Variants in ADAMTS15 observed in about 807,000 individuals in gnomAD.
ADAMTS15 encodes A disintegrin and metalloproteinase with thrombospondin motifs 15.
In ADAMTS15, 35 loss-of-function variants were observed where a neutral mutation model predicts 79.1. The ratio of observed to expected loss-of-function variants is 0.44; its 90% CI spans 0.34 to 0.59. The LOEUF (loss-of-function observed/expected upper bound fraction) is 0.59. ADAMTS15 is among the 20% of genes least tolerant of loss of function. The pLI, the probability that ADAMTS15 is intolerant of heterozygous loss-of-function variation, is 0.02. For missense variants in ADAMTS15, 1,324 were observed against 1,318.7 expected (o/e 1.00, Z -0.06); for synonymous variants, 616 against 567.3 (o/e 1.09, Z -1.22).
chr11:130,469,971 A>G (rs1938387742), intron 5 of ADAMTS15, among the ~76,000 whole-genome samples: 1 of 151,212 alleles, frequency 6.6e-6, no homozygotes, highest in Admixed American at 6.6e-5. Flanking sequence ...ACAAAACTAC[A>G]ATAGTAGTAG....
At position 130,462,435 on chromosome 11, in the gene ADAMTS15, T is replaced by C. The variant is rs1338442628; in HGVS notation, c.1259-62T>C. ...TTCATTATCCCCTTACCATTCAGAT[T>C]CTGGGCTAGCCAAACCTCATCTTCC... On this transcript the variant is annotated intron_variant, in intron 3 of 7. Coordinates refer to ENST00000299164, the MANE Select transcript of ADAMTS15 (RefSeq NM_139055.4). This position sits in a 1 kb window ranked among gnomAD's most constrained non-coding sequence, Gnocchi z 4.3. 6.5e-7 allele frequency: 1 copy of C among 1,537,176 alleles called. No homozygotes were observed. Among genetic ancestry groups the C allele is most frequent in the Non-Finnish European group, 8.8e-7 (1 of 1,138,728 alleles).
chr11:130,469,286 G>T lies in ADAMTS15; in HGVS notation c.1567G>T (p.Asp523Tyr), dbSNP rs755039796. 2 of 1,401,622 alleles carry T rather than the reference G, an allele frequency of 1.4e-6. No homozygotes were observed. Among genetic ancestry groups the T allele is most frequent in the East Asian group, 5.5e-5 (2 of 36,332 alleles). The allele number at this position is 1,401,622 out of a possible 1,614,324, so 86.8% of individuals were successfully genotyped here. ...HRVDGSWAKW[D>Y]PYGPCSRTCG... ...GGTGGATGGTTCCTGGGCCAAATGG[G>T]ATCCCTATGGCCCCTGCTCGCGCAC... is the stretch of plus-strand genomic sequence containing the variant. Residue 523 changes from aspartate to tyrosine, a missense_variant, in exon 5 of 8, where the codon GAT becomes TAT. Physicochemically the swap from Asp to Tyr is radical, Grantham distance 160. Transcript: ENST00000299164.
chr11:130,449,936 T>G lies in ADAMTS15; in HGVS notation c.957+6T>G. The G allele has an allele frequency of 6.3e-7, 1 of 1,596,900 alleles. No individual in the cohort carries two copies. Among genetic ancestry groups the G allele is most frequent in the Non-Finnish European group, 8.5e-7 (1 of 1,177,834 alleles). On this transcript the variant is annotated splice_donor_region_variant and intron_variant, in intron 1 of 7. Coordinates refer to ENST00000299164, the MANE Select transcript of ADAMTS15 (RefSeq NM_139055.4). This position sits in a 1 kb window ranked among gnomAD's most constrained non-coding sequence, Gnocchi z 7.8. The stretch of plus-strand genomic sequence containing the variant: ...CCATCCTCTTCACCAGGCAGGTGAG[T>G]TGATCTGCCGTCACTTTGCACCCAG...
chr11:130,469,528 GCCTCC>G, intron 5 of ADAMTS15, 89 bp downstream of exon 5: 2 of 1,057,716 alleles, frequency 1.9e-6, no homozygotes, highest in Non-Finnish European at 2.5e-6. Context: ...GTAATGCATG[GCCTCC>G]AGGTAATTGG....
chr11:130,470,144 A>ACATACATG (rs1938397112), intron 5 of ADAMTS15, among the ~76,000 whole-genome samples: 1 of 64,832 alleles, frequency 1.5e-5, no homozygotes, highest in Non-Finnish European at 2.9e-5. Context: ...ATATATATAT[A>ACATACATG]TATATATGTG....
At chr11:130,454,384 C>T (rs1291582883) in intron 1 of ADAMTS15, among the ~76,000 whole-genome samples, 3 of 152,202 alleles carry the variant, frequency 2.0e-5, no homozygotes, top group African/African-American at 7.2e-5. Flanking sequence ...CTGCGCAGAG[C>T]GGAACAGCAT....
chr11:130,460,851 A>G (rs1420499541), intron 1 of ADAMTS15, among the ~76,000 whole-genome samples: 3 of 152,032 alleles, frequency 2.0e-5, no homozygotes, highest in Admixed American at 6.6e-5. Context: ...TCTCTATTTC[A>G]TGTATCTTTC....
In ADAMTS15 at chr11:130,470,166, A is replaced by ATATATG. The variant is rs1565397707; in HGVS notation, c.1720+732_1720+733insGTATAT. Among the ~76,000 whole-genome samples, 100 of 57,566 alleles carry ATATATG rather than the reference A, an allele frequency of 1.7e-3. 3 individuals carry two copies. The highest frequency in any genetic ancestry group is 2.5e-3 in the Non-Finnish European group (77 of 30,512). The allele number at this position is 57,566 out of a possible 152,430, so 37.8% of individuals were successfully genotyped here. A position where few individuals can be genotyped will look rare whatever the true frequency, so the allele number is the denominator to read the frequency against. On this transcript the variant is annotated intron_variant, in intron 5 of 7. Transcript: ENST00000299164. ...TATATATATATGTGTATATATATATATATATATATATATATGTGTGTATAT... is the reference window on the plus strand; with the variant it reads ...TATATATATATGTGTATATATATATATATATGTATATATATATATATGTGTGTATAT...
rs1214408352 is a variant in ADAMTS15 at position 130,461,540 on chromosome 11, A to G, written c.1009A>G (p.Thr337Ala). 2 of 1,613,976 alleles carry G rather than the reference A, an allele frequency of 1.2e-6. No individual in the cohort carries two copies. Among genetic ancestry groups the G allele is most frequent in the Non-Finnish European group, 1.7e-6 (2 of 1,180,034 alleles). Residue 337 changes from threonine (T) to alanine (A), a missense_variant, in exon 2 of 8, where the codon ACC (threonine) becomes GCC (alanine). Coordinates refer to ENST00000299164, the MANE Select transcript of ADAMTS15 (RefSeq NM_139055.4). The part of the protein sequence containing the change: ...CDTLGMADVG[T>A]MCDPKRSCSV... The stretch of plus-strand genomic sequence containing the variant: ...CACCCTGGGCATGGCTGATGTGGGT[A>G]CCATGTGTGACCCCAAGAGAAGCTG...
chr11:130,470,775 T>C (rs75153760), intron 5 of ADAMTS15, 145 bp from the exon 6 acceptor site: 114,325 of 898,906 alleles, frequency 0.13, 8,461 homozygotes, highest in South Asian at 0.25. Flanking sequence ...CCTGCTTTAG[T>C]GCTTTCAGAT....
chr11:130,454,337 C>A (rs1363313401), intron 1 of ADAMTS15, among the ~76,000 whole-genome samples: 1 of 152,184 alleles, frequency 6.6e-6, no homozygotes, highest in Non-Finnish European at 1.5e-5. Flanking sequence ...TTGTTTTGAC[C>A]TTGAGCAGTA....
chr11:130,460,625 C>T (rs1417736841), intron 1 of ADAMTS15, among the ~76,000 whole-genome samples: 12 of 152,202 alleles, frequency 7.9e-5, no homozygotes, highest in African/African-American at 2.9e-4. Context: ...ATGTCTTATC[C>T]TATTTCCAAC....
intron 4 of ADAMTS15, among the ~76,000 whole-genome samples, chr11:130,467,796 A>G (rs954122994): frequency 6.7e-6 from 1 of 149,940 alleles, no homozygotes; most frequent in Non-Finnish European, 1.5e-5. Context: ...AAAAAAAAAA[A>G]GTCCTCCAAA....
Position 130,471,217 on chromosome 11 carries a change from G to T in ADAMTS15, c.1912G>T (p.Gly638Cys). Reference protein sequence around the residue: ...FYVLAPKVVDGTLCSPDSTSV... With the variant: ...FYVLAPKVVDCTLCSPDSTSV... Reference sequence around the variant, plus strand: ...TTCTGGGGTGCTGCAGGTGGTGGACGGCACGCTGTGCTCTCCTGACTCCAC... The same window carrying T: ...TTCTGGGGTGCTGCAGGTGGTGGACTGCACGCTGTGCTCTCCTGACTCCAC... Residue 638 changes from glycine (G) to cysteine (C), a missense_variant, in exon 7 of 8, where the codon GGC (glycine) becomes TGC (cysteine). Transcript: ENST00000299164. The T allele has an allele frequency of 6.3e-7, 1 of 1,597,832 alleles. No homozygotes were observed. The highest frequency in any genetic ancestry group is 8.5e-7 in the Non-Finnish European group (1 of 1,171,582).
intron 4 of ADAMTS15, among the ~76,000 whole-genome samples, chr11:130,466,296 A>C (rs1260513648): frequency 1.3e-5 from 2 of 151,896 alleles, no homozygotes; most frequent in Non-Finnish European, 2.9e-5. Flanking sequence ...TAGAGCTTGA[A>C]GACTCCCAAA....
At chr11:130,454,312 C>A (rs1430091837) in intron 1 of ADAMTS15, among the ~76,000 whole-genome samples, 1 of 152,184 alleles carries the variant, frequency 6.6e-6, no homozygotes, top group African/African-American at 2.4e-5. Context: ...CAACCCTGAG[C>A]TTGGTGCTAT....
In ADAMTS15 at chr11:130,471,396, C is replaced by A. The variant is rs745902547; in HGVS notation, c.2078+13C>A. ...TCACCAAGCCCATGTGAGTTCTGGG[C>A]CCTGAAGGTCCTGCCAGGGAGCAAA... On this transcript the variant is annotated intron_variant, in intron 7 of 7. Coordinates refer to ENST00000299164, the MANE Select transcript of ADAMTS15 (RefSeq NM_139055.4). 1 of 1,595,150 alleles carries A rather than the reference C, an allele frequency of 6.3e-7. No homozygotes were observed. The highest frequency in any genetic ancestry group is 2.2e-5 in the East Asian group (1 of 44,566).
chr11:130,470,761 C>G (rs1938432500), intron 5 of ADAMTS15, among the ~76,000 whole-genome samples, 159 bp from the exon 6 acceptor site: 2 of 152,020 alleles, frequency 1.3e-5, no homozygotes, highest in Non-Finnish European at 2.9e-5. Flanking sequence ...TCCTTTGGGC[C>G]CAGCCTGCTT....
chr11:130,469,590 G>A (rs1938379814), intron 5 of ADAMTS15, 151 bp downstream of exon 5: 3 of 618,488 alleles, frequency 4.9e-6, no homozygotes, highest in East Asian at 6.9e-5. Flanking sequence ...ATGGATTCCT[G>A]CTGATGACAA....
Sources: gnomAD v4.1 joint callset for allele counts (sites outside exome capture counted in the v4.1 genomes callset) on GRCh38, gnomAD v4.1.1 for gene constraint, Gnocchi (gnomAD v3.1) non-coding constraint, MANE v1.5 for transcripts, NCBI Gene and HGNC (gene_info 2026-07-23, HGNC 2026-07-21) for gene names.